Variants in DLG2 observed in about 807,000 individuals in gnomAD.
DLG2 encodes the protein disks large homolog 2.
Under a neutral mutation model 132.5 loss-of-function variants are expected in DLG2, and 45 were observed. The observed-to-expected ratio is 0.34, with a 90% CI of 0.27 to 0.44. The LOEUF is 0.44. Ranked by LOEUF, DLG2 falls within the 20% of genes least tolerant of loss-of-function variation. DLG2 has a pLI of 1.00. For missense variants in DLG2, 1,045 were observed against 1,196.9 expected (o/e 0.87, Z 1.87); for synonymous variants, 424 against 419.6 (o/e 1.01, Z -0.13).
intron 7 of DLG2, among the ~76,000 whole-genome samples, chr11:84,296,611 T>G (rs1275688703): frequency 6.6e-6 from 1 of 152,092 alleles, no homozygotes; most frequent in African/African-American, 2.4e-5. Context: ...GCTATGTTAT[T>G]TTACTTTTTG....
At chr11:83,929,016 G>A (rs908720094) in intron 15 of DLG2, among the ~76,000 whole-genome samples, 33 of 152,072 alleles carry the variant, frequency 2.2e-4, no homozygotes, top group African/African-American at 7.7e-4. Context: ...AAAAATATAG[G>A]TGGACTTAAT....
chr11:85,144,981 T>C (rs988324167), intron 5 of DLG2, among the ~76,000 whole-genome samples: 1 of 152,238 alleles, frequency 6.6e-6, no homozygotes, highest in Admixed American at 6.5e-5. Context: ...AGAACTCTCT[T>C]TAGCATTGCT....
intron 9 of DLG2, among the ~76,000 whole-genome samples, chr11:84,116,442 A>G (rs554031418): frequency 5.3e-5 from 8 of 152,274 alleles, no homozygotes; most frequent in East Asian, 1.9e-4. Context: ...ACAGTTCCCT[A>G]TGGCTGGGGA....
chr11:83,908,528 A>T (rs1228969770), intron 15 of DLG2, among the ~76,000 whole-genome samples: 1 of 152,106 alleles, frequency 6.6e-6, no homozygotes, highest in African/African-American at 2.4e-5. Context: ...CTACAAAAAC[A>T]GAGCATATTT....
intron 22 of DLG2, chr11:83,480,274 G>A (rs1033687553): frequency 2.2e-6 from 2 of 929,068 alleles, no homozygotes; most frequent in Non-Finnish European, 3.3e-6. Flanking sequence ...GATGATAAAA[G>A]GTAGCAATTG....
At chr11:85,323,502 G>C (rs973332309) in intron 3 of DLG2, among the ~76,000 whole-genome samples, 1 of 152,108 alleles carries the variant, frequency 6.6e-6, no homozygotes, top group African/African-American at 2.4e-5. Context: ...TTTGTGTTGG[G>C]AACATTCCAA....
At chr11:85,097,795 G>T (rs1356857892) in intron 6 of DLG2, among the ~76,000 whole-genome samples, 2 of 152,174 alleles carry the variant, frequency 1.3e-5, no homozygotes, top group Non-Finnish European at 2.9e-5. Context: ...TGAGGCTCCA[G>T]AAGGCCAAGA....
At chr11:83,940,815 C>T (rs569680235) in intron 14 of DLG2, among the ~76,000 whole-genome samples, 17 of 152,318 alleles carry the variant, frequency 1.1e-4, no homozygotes, top group African/African-American at 2.4e-5. Context: ...AGTTTCCTCC[C>T]CTAACCCAGG....
intron 3 of DLG2, among the ~76,000 whole-genome samples, chr11:85,571,066 C>T (rs547629937): frequency 2.6e-4 from 39 of 152,006 alleles, no homozygotes; most frequent in African/African-American, 8.4e-4. Context: ...TTAAAACAAC[C>T]GATTTAAAAT....
intron 6 of DLG2, among the ~76,000 whole-genome samples, chr11:84,770,284 T>C (rs2069096172): frequency 6.6e-6 from 1 of 152,216 alleles, no homozygotes; most frequent in South Asian, 2.1e-4. Flanking sequence ...TCCTGCAGAA[T>C]AATAATCCCA....
At chr11:85,337,507 C>T (rs916620035) in intron 3 of DLG2, among the ~76,000 whole-genome samples, 1 of 152,158 alleles carries the variant, frequency 6.6e-6, no homozygotes, top group Non-Finnish European at 1.5e-5. Context: ...ATCAAAGTTT[C>T]TGAATCAGAA....
intron 3 of DLG2, among the ~76,000 whole-genome samples, chr11:85,426,570 ATTGT>A (rs201413516): frequency 0.068 from 10,338 of 152,212 alleles, 567 homozygotes; most frequent in African/African-American, 0.14. Flanking sequence ...GAGGGTCCTG[ATTGT>A]TAGAAGGAAA....
At chr11:83,683,399 G>A (rs1019399825) in intron 18 of DLG2, among the ~76,000 whole-genome samples, 3 of 152,128 alleles carry the variant, frequency 2.0e-5, no homozygotes, top group Non-Finnish European at 2.9e-5. Context: ...TGGACTCCAC[G>A]CAATTTAGTT....
intron 15 of DLG2, among the ~76,000 whole-genome samples, chr11:83,906,257 TCACA>T (rs540642615): frequency 0.12 from 7,651 of 64,096 alleles, 613 homozygotes; most frequent in African/African-American, 0.18. Flanking sequence ...TCTCTCTCTC[TCACA>T]CACACACACA....
intron 6 of DLG2, among the ~76,000 whole-genome samples, chr11:84,677,219 TTCCTTTTGATTCGTATCAG>T (rs1342622378): frequency 1.1e-4 from 16 of 152,230 alleles, no homozygotes; most frequent in Admixed American, 2.0e-4. Flanking sequence ...TCTGCCTAAC[TTCCTTTTGATTCGTATCAG>T]TCATTCCGGG....
Position 84,058,506 on chromosome 11 carries a change from C to CAATAAT in DLG2, c.919+803_919+808dup, listed in dbSNP as rs900276483. ...GTCTGTCTCTACCAAAAAACAAATA[C>CAATAAT]AATAATAATAATAATAATAATAATA... On this transcript the variant is annotated intron_variant, in intron 11 of 27. Transcript: ENST00000376104. Among the ~76,000 whole-genome samples the CAATAAT allele has an allele frequency of 9.6e-3, 1,233 of 128,118 alleles. 20 individuals are homozygous for CAATAAT. Among genetic ancestry groups the CAATAAT allele is most frequent in the African/African-American group, 0.041 (1,133 of 27,632 alleles). The allele number at this position is 128,118 out of a possible 152,430, so 84.1% of individuals were successfully genotyped here.
At chr11:84,400,628 A>G (rs2098826147) in intron 7 of DLG2, among the ~76,000 whole-genome samples, 1 of 152,178 alleles carries the variant, frequency 6.6e-6, no homozygotes, top group African/African-American at 2.4e-5. Flanking sequence ...TTATCACCAA[A>G]AGTGCAGACC....
At chr11:85,259,185 C>T (rs116276828) in intron 4 of DLG2, among the ~76,000 whole-genome samples, 2 of 152,120 alleles carry the variant, frequency 1.3e-5, no homozygotes, top group African/African-American at 2.4e-5. Flanking sequence ...TGGTTCATCA[C>T]TGTCCCCCTA....
chr11:84,953,471 G>A (rs375988280), intron 6 of DLG2, among the ~76,000 whole-genome samples: 2 of 152,252 alleles, frequency 1.3e-5, no homozygotes, highest in African/African-American at 4.8e-5. Flanking sequence ...GAAATTAGGG[G>A]TAAGCCATAG....
Sources: allele counts gnomAD v4.1 joint callset (sites outside exome capture counted in the v4.1 genomes callset), GRCh38; gene constraint gnomAD v4.1.1; transcripts MANE v1.5; gene names NCBI Gene and HGNC (gene_info 2026-07-23, HGNC 2026-07-21).